TAF3: variants seen among roughly 807,000 people sequenced by gnomAD.
TAF3 encodes transcription initiation factor TFIID subunit 3.
In TAF3, 7 loss-of-function variants were observed where a neutral mutation model predicts 80.6. That is an observed-to-expected ratio of 0.09 (90% CI 0.05 to 0.16). The LOEUF is 0.16. Among genes scored for constraint, TAF3 ranks in the 10% least tolerant of loss-of-function variants. TAF3 has a pLI of 1.00. For missense variants in TAF3, 921 were observed against 1,140.2 expected (o/e 0.81, Z 2.77); for synonymous variants, 444 against 446.1 (o/e 1.00, Z 0.06).
chr10:7,898,363 A>G (rs1193294291), intron 2 of TAF3, among the ~76,000 whole-genome samples: 1 of 152,032 alleles, frequency 6.6e-6, no homozygotes, highest in African/African-American at 2.4e-5. Flanking sequence ...CCTGGCCAAC[A>G]TGGTGAAACC....
intron 4 of TAF3, among the ~76,000 whole-genome samples, chr10:8,007,562 TTATATATATATATATATATA>T (rs34833399): frequency 0.03 from 1,807 of 60,532 alleles, 110 homozygotes; most frequent in East Asian, 0.26. Context: ...GTGTGTGAAA[TTATATATATATATATATATA>T]TATATATATA....
Position 8,009,417 on chromosome 10 carries a change from C to A in TAF3, c.2568+87C>A. 2 of 1,443,340 alleles carry A rather than the reference C, an allele frequency of 1.4e-6. No individual in the cohort carries two copies. Among genetic ancestry groups the A allele is most frequent in the Non-Finnish European group, 9.2e-7 (1 of 1,090,686 alleles). The allele number at this position is 1,443,340 out of a possible 1,614,324, so 89.4% of individuals were successfully genotyped here. A position where few individuals can be genotyped will look rare whatever the true frequency, so the allele number is the denominator to read the frequency against. On this transcript the variant is annotated intron_variant, in intron 5 of 6. Transcript: ENST00000344293. This position sits in a 1 kb window ranked among gnomAD's most constrained non-coding sequence, Gnocchi z 4.1. ...CTCTGAATCACTATCGAATTTCAGA[C>A]GCATTTCTCTTCAAAATTTTATTAT...
chr10:7,905,712 T>C lies in TAF3; in HGVS notation c.410-58208T>C, dbSNP rs569377233. Among the ~76,000 whole-genome samples, 8 of 152,172 alleles carry C rather than the reference T, an allele frequency of 5.3e-5. No homozygotes were observed. The East Asian group carries it at 1.5e-3, about 29-fold the overall frequency. On this transcript the variant is annotated intron_variant, in intron 2 of 6. Transcript: ENST00000344293. The stretch of plus-strand genomic sequence containing the variant: ...CTGGCCAACATAGTGAAACCCCGTC[T>C]CTACTAAAAATACAAAAAAAATTAG...
At chr10:7,835,379 G>A (rs1836842078) in intron 2 of TAF3, among the ~76,000 whole-genome samples, 1 of 152,238 alleles carries the variant, frequency 6.6e-6, no homozygotes, top group African/African-American at 2.4e-5. Context: ...TGACTTTGCA[G>A]TGCTCCCTCT....
intron 2 of TAF3, among the ~76,000 whole-genome samples, chr10:7,905,627 A>T (rs1402134461): frequency 6.6e-6 from 1 of 152,156 alleles, no homozygotes; most frequent in African/African-American, 2.4e-5. Flanking sequence ...CACACCTGTA[A>T]TCCCAGCACT....
chr10:7,862,465 G>T (rs1837157750), intron 2 of TAF3, among the ~76,000 whole-genome samples: 1 of 152,154 alleles, frequency 6.6e-6, no homozygotes, highest in Non-Finnish European at 1.5e-5. Flanking sequence ...TTTGATTTGT[G>T]TGTGTATATG....
At chr10:7,926,263 A>G (rs776022138) in intron 2 of TAF3, among the ~76,000 whole-genome samples, 2 of 152,128 alleles carry the variant, frequency 1.3e-5, no homozygotes, top group East Asian at 1.9e-4. Flanking sequence ...TAATATATCA[A>G]ACTTTTTTTT....
At chr10:7,867,293 C>T (rs1265875108) in intron 2 of TAF3, among the ~76,000 whole-genome samples, 1 of 151,760 alleles carries the variant, frequency 6.6e-6, no homozygotes, top group Non-Finnish European at 1.5e-5. Flanking sequence ...ACAAAAACCA[C>T]CAAAAAAAGA....
intron 2 of TAF3, among the ~76,000 whole-genome samples, chr10:7,887,501 T>C (rs909220964): frequency 1.3e-5 from 2 of 152,176 alleles, no homozygotes; most frequent in Non-Finnish European, 1.5e-5. Flanking sequence ...TTTCTTTTTC[T>C]TTCCCCACTT....
chr10:7,868,731 G>A (rs2131143337), intron 2 of TAF3, among the ~76,000 whole-genome samples: 1 of 152,308 alleles, frequency 6.6e-6, no homozygotes, highest in South Asian at 2.1e-4. Flanking sequence ...AAAGATCCTA[G>A]TGCCATGTCT....
At position 7,963,860 on chromosome 10, in the gene TAF3, T is replaced by C. The variant is rs1036774439; in HGVS notation, c.410-60T>C. ...ATATTTGAAGCATTGTTTTTATTTC[T>C]TAGGTTTTGTTACATTCCAATAATA... On this transcript the variant is annotated intron_variant, in intron 2 of 6. Transcript: ENST00000344293. 5.7e-6 allele frequency: 8 copies of C among 1,399,238 alleles called. No individual in the cohort carries two copies. In the Admixed American group the frequency reaches 8.0e-5, roughly 14 times the overall value. The allele number at this position is 1,399,238 out of a possible 1,614,324, so 86.7% of individuals were successfully genotyped here.
intron 2 of TAF3, among the ~76,000 whole-genome samples, chr10:7,909,094 C>A (rs1837632332): frequency 6.6e-6 from 1 of 152,248 alleles, no homozygotes; most frequent in Admixed American, 6.5e-5. Context: ...CCCGTGGAGG[C>A]CTGCCAGGGG....
intron 2 of TAF3, among the ~76,000 whole-genome samples, chr10:7,847,010 A>T (rs1196171997): frequency 6.6e-6 from 1 of 152,236 alleles, no homozygotes; most frequent in Non-Finnish European, 1.5e-5. Flanking sequence ...ATTTGAATAC[A>T]GTTGAAATTT....
At chr10:7,823,795 C>T (rs777052689) in intron 1 of TAF3, among the ~76,000 whole-genome samples, 3 of 152,038 alleles carry the variant, frequency 2.0e-5, no homozygotes, top group Admixed American at 6.6e-5. Flanking sequence ...CCACCACGCC[C>T]GGCTAATTTT....
At chr10:7,990,130 A>T (rs1360044886) in intron 4 of TAF3, among the ~76,000 whole-genome samples, 2 of 152,192 alleles carry the variant, frequency 1.3e-5, no homozygotes, top group Non-Finnish European at 2.9e-5. Context: ...GGTTTTGAAT[A>T]TATCTCTAAT....
chr10:7,950,714 G>A (rs144541232), intron 2 of TAF3, among the ~76,000 whole-genome samples: 46 of 152,314 alleles, frequency 3.0e-4, no homozygotes, highest in African/African-American at 7.9e-4. Flanking sequence ...AGTCGCATGC[G>A]TTGCCTGTTC....
chr10:7,831,066 A>G (rs1836795255), intron 2 of TAF3, among the ~76,000 whole-genome samples: 1 of 152,220 alleles, frequency 6.6e-6, no homozygotes, highest in South Asian at 2.1e-4. Flanking sequence ...TTAATTCATT[A>G]GGGGTTACAA....
At chr10:7,951,799 C>CTT (rs1190161755) in intron 2 of TAF3, among the ~76,000 whole-genome samples, 1 of 152,180 alleles carries the variant, frequency 6.6e-6, no homozygotes, top group Non-Finnish European at 1.5e-5. Context: ...TTAACCCAAA[C>CTT]TGGCATTAAG....
chr10:8,005,485 A>G (rs1024123072), intron 4 of TAF3, among the ~76,000 whole-genome samples: 4 of 152,246 alleles, frequency 2.6e-5, no homozygotes, highest in East Asian at 1.9e-4. Flanking sequence ...CCTTATGGGT[A>G]TAGCCCATTG....
Sources: gnomAD v4.1 joint callset for allele counts (sites outside exome capture counted in the v4.1 genomes callset) on GRCh38, gnomAD v4.1.1 for gene constraint, Gnocchi (gnomAD v3.1) non-coding constraint, MANE v1.5 for transcripts, NCBI Gene and HGNC (gene_info 2026-07-23, HGNC 2026-07-21) for gene names.